Variants in PIK3C2B observed in about 807,000 individuals in gnomAD.
PIK3C2B encodes the protein phosphatidylinositol 4-phosphate 3-kinase C2 domain-containing subunit beta.
PIK3C2B carries 83 observed loss-of-function variants against 184.3 expected under a neutral mutation model. The ratio of observed to expected loss-of-function variants is 0.45; its 90% CI spans 0.38 to 0.54. PIK3C2B has a LOEUF of 0.54. Among genes scored for constraint, PIK3C2B ranks in the 20% least tolerant of loss-of-function variants. The probability of loss-of-function intolerance (pLI) is 0.00; values close to 1 mark genes in which losing one functional copy is unlikely to be tolerated. For missense variants in PIK3C2B, 1,736 were observed against 2,113.5 expected (o/e 0.82, Z 3.50); for synonymous variants, 779 against 837.6 (o/e 0.93, Z 1.21).
intron 1 of PIK3C2B, among the ~76,000 whole-genome samples, chr1:204,480,845 C>T (rs1657076291): frequency 6.6e-6 from 1 of 152,138 alleles, no homozygotes; most frequent in South Asian, 2.1e-4. Flanking sequence ...TAGGAAGGCT[C>T]TCCACCACGT....
chr1:204,459,285 A>G (rs538915647), intron 8 of PIK3C2B, among the ~76,000 whole-genome samples: 1 of 152,306 alleles, frequency 6.6e-6, no homozygotes, highest in South Asian at 2.1e-4. Flanking sequence ...CCAAAGGGTT[A>G]GGATTACAGG....
rs771534973 is a variant in PIK3C2B at position 204,447,217 on chromosome 1, G to A, written c.2489+219C>T. Among the ~76,000 whole-genome samples, 7 of 152,180 alleles carry A rather than the reference G, an allele frequency of 4.6e-5. No individual in the cohort carries two copies. Among genetic ancestry groups the A allele is most frequent in the African/African-American group, 7.2e-5 (3 of 41,514 alleles). ...AGCTGAGTCTGGACCAAGTCCCTGG[G>A]GTGGGGACTTGGGTATTCTCAGATC... On this transcript the variant is annotated intron_variant, in intron 15 of 32. Coordinates refer to ENST00000684373, the MANE Select transcript of PIK3C2B (RefSeq NM_001377334.1). The surrounding 1 kb of genome is among the most constrained non-coding windows in gnomAD (Gnocchi z 4.1).
chr1:204,432,414 TA>T lies in PIK3C2B; in HGVS notation c.3954-14del, dbSNP rs1675113307. 2 of 1,612,512 alleles carry T rather than the reference TA, an allele frequency of 1.2e-6. No homozygotes were observed. Among genetic ancestry groups the T allele is most frequent in the Non-Finnish European group, 1.7e-6 (2 of 1,178,898 alleles). ...GGACTCAATCAACCTGGCAGGAGGA[TA>T]AGAAAAGAGGATATAACCATGAACC... On this transcript the variant is annotated splice_polypyrimidine_tract_variant and intron_variant, in intron 26 of 32. Transcript: ENST00000684373.
At chr1:204,446,924 C>G (rs1404237915) in intron 15 of PIK3C2B, among the ~76,000 whole-genome samples, 1 of 152,168 alleles carries the variant, frequency 6.6e-6, no homozygotes, top group Non-Finnish European at 1.5e-5. Context: ...TCTGTTCTCA[C>G]CCCTCCTTCT....
intron 1 of PIK3C2B, among the ~76,000 whole-genome samples, chr1:204,493,997 T>C (rs1045413304): frequency 6.6e-6 from 1 of 152,208 alleles, no homozygotes; most frequent in African/African-American, 2.4e-5. Context: ...TTATTTCTTA[T>C]CTTAAATAAA....
chr1:204,454,499 A>AG, intron 12 of PIK3C2B, 170 bp downstream of exon 12: 1 of 597,952 alleles, frequency 1.7e-6, no homozygotes, highest in Non-Finnish European at 2.8e-6. Context: ...AAAAAAAAAA[A>AG]AGAGTCAGGG....
Position 204,423,457 on chromosome 1 carries a change from A to AC in PIK3C2B, c.*1394_*1395insG, listed in dbSNP as rs1314507187. 1.3e-5 allele frequency: 2 copies of AC among 152,168 alleles called. No individual in the cohort carries two copies. The highest frequency in any genetic ancestry group is 4.8e-5 in the African/African-American group (2 of 41,342). 9.4% of individuals were successfully genotyped at this position (152,168 alleles called of 1,614,324 possible). On this transcript the variant is annotated 3_prime_UTR_variant, in exon 33 of 33. Coordinates refer to ENST00000684373, the MANE Select transcript of PIK3C2B (RefSeq NM_001377334.1). The stretch of plus-strand genomic sequence containing the variant: ...GCGAGACTCCGTCTCCAAAAAAAAA[A>AC]AAAAAAATCCATCTGGTAGGGAATA...
Position 204,433,217 on chromosome 1 carries a change from C to A in PIK3C2B, c.3953+99G>T. 1 of 680,912 alleles carries A rather than the reference C, an allele frequency of 1.5e-6. No homozygotes were observed. The highest frequency in any genetic ancestry group is 2.6e-6 in the Non-Finnish European group (1 of 383,444). The allele number at this position is 680,912 out of a possible 1,614,324, so 42.2% of individuals were successfully genotyped here. ...TCAGCTCTAGGCTCTAGCATCTGAGCTAAGCTTTTCACCTTTCCCCAGTCC... is the reference window on the plus strand; with the variant it reads ...TCAGCTCTAGGCTCTAGCATCTGAGATAAGCTTTTCACCTTTCCCCAGTCC... On this transcript the variant is annotated intron_variant, in intron 26 of 32. Transcript: ENST00000684373. The surrounding 1 kb of genome is among the most constrained non-coding windows in gnomAD (Gnocchi z 5.0).
At position 204,426,322 on chromosome 1, in the gene PIK3C2B, C is replaced by T. The variant is rs573917730; in HGVS notation, c.4588-581G>A. 7.2e-5 allele frequency among the ~76,000 whole-genome samples: 11 copies of T among 152,384 alleles called. No individual in the cohort carries two copies. In the South Asian group the frequency reaches 2.3e-3, roughly 32 times the overall value. On this transcript the variant is annotated intron_variant, in intron 31 of 32. Coordinates refer to ENST00000684373, the MANE Select transcript of PIK3C2B (RefSeq NM_001377334.1). ...TCATCATCCACTCCTCTCGACTTTG[C>T]TCCATCGGCTTCAGCCGCTGGCCCC...
rs1194925202 is a variant in PIK3C2B, at chr1:204,447,898, G to T, written c.2347-320C>A. On this transcript the variant is annotated intron_variant, in intron 14 of 32. Transcript: ENST00000684373. The surrounding 1 kb of genome is among the most constrained non-coding windows in gnomAD (Gnocchi z 4.1). Reference sequence around the variant, plus strand: ...GAGGTGTCACCCAGCTGAAACACGGGGTGCATCCAGGCTGAGTCCGGGGTG... The same window carrying T: ...GAGGTGTCACCCAGCTGAAACACGGTGTGCATCCAGGCTGAGTCCGGGGTG... 2.0e-5 allele frequency among the ~76,000 whole-genome samples: 3 copies of T among 152,124 alleles called. No homozygotes were observed. The highest frequency in any genetic ancestry group is 7.2e-5 in the African/African-American group (3 of 41,424).
intron 5 of PIK3C2B, among the ~76,000 whole-genome samples, chr1:204,462,394 T>C (rs1655407116): frequency 6.6e-6 from 1 of 152,162 alleles, no homozygotes; most frequent in Non-Finnish European, 1.5e-5. Flanking sequence ...ATTCTCACAT[T>C]TCACCCTCAC....
rs1203367024 is a variant in PIK3C2B, at chr1:204,454,715, C to T, written c.2020G>A (p.Ala674Thr). Reference protein sequence around the residue: ...ELCSPLQTRRAHFSKYLFHLI... With the variant: ...ELCSPLQTRRTHFSKYLFHLI... ...TGGAAGAGGTACTTGGAGAAGTGAGCTCTTCGGGTCTGCAGGGGGCTGCAC... is the reference window on the plus strand; with the variant it reads ...TGGAAGAGGTACTTGGAGAAGTGAGTTCTTCGGGTCTGCAGGGGGCTGCAC... Residue 674 changes from alanine (A) to threonine (T), a missense_variant, in exon 12 of 33, where the codon GCT becomes ACT. This residue lies in a region of PIK3C2B where 609 missense variants were observed against 699.2 expected (regional missense o/e 0.87). Transcript: ENST00000684373. 1.9e-6 allele frequency: 3 copies of T among 1,613,506 alleles called. No homozygotes were observed. The highest frequency in any genetic ancestry group is 2.5e-6 in the Non-Finnish European group (3 of 1,180,000).
Position 204,494,398 on chromosome 1 carries a change from G to A in PIK3C2B, c.-127C>T, listed in dbSNP as rs1189500950. 1 of 152,394 alleles carries A rather than the reference G, an allele frequency of 6.6e-6. No homozygotes were observed. Among genetic ancestry groups the A allele is most frequent in the Non-Finnish European group, 1.5e-5 (1 of 68,164 alleles). 9.4% of individuals were successfully genotyped at this position (152,394 alleles called of 1,614,324 possible). Reference sequence around the variant, plus strand: ...TCTGCTGCAACATCCGACGTGTCTTGTGCCTGGCGACGTGGGCTGCTCGCT... The same window carrying A: ...TCTGCTGCAACATCCGACGTGTCTTATGCCTGGCGACGTGGGCTGCTCGCT... On this transcript the variant is annotated 5_prime_UTR_variant, in exon 1 of 33. Transcript: ENST00000684373.
chr1:204,447,356 C>T lies in PIK3C2B; in HGVS notation c.2489+80G>A. 1.4e-6 allele frequency: 2 copies of T among 1,421,848 alleles called. No individual in the cohort carries two copies. Among genetic ancestry groups the T allele is most frequent in the Admixed American group, 1.8e-5 (1 of 55,296 alleles). 88.1% of individuals were successfully genotyped at this position (1,421,848 alleles called of 1,614,324 possible). The stretch of plus-strand genomic sequence containing the variant: ...CAATGCCCACCCCTTCCCACCTCCA[C>T]TCCCAAAGCAGGAGGACGGAGACTC... On this transcript the variant is annotated intron_variant, in intron 15 of 32. Coordinates refer to ENST00000684373, the MANE Select transcript of PIK3C2B (RefSeq NM_001377334.1). The surrounding 1 kb of genome is among the most constrained non-coding windows in gnomAD (Gnocchi z 4.1).
At chr1:204,468,551 C>T (rs890054358) in intron 2 of PIK3C2B, among the ~76,000 whole-genome samples, 13 of 152,340 alleles carry the variant, frequency 8.5e-5, no homozygotes, top group Non-Finnish European at 1.5e-4. Context: ...TAATGAATCC[C>T]ATAACTCCCA....
At chr1:204,425,068 G>C in intron 32 of PIK3C2B, 28 bp from the exon 33 acceptor site, 1 of 1,588,928 alleles carries the variant, frequency 6.3e-7, no homozygotes, top group Non-Finnish European at 8.6e-7. Flanking sequence ...GGTGAGGGAA[G>C]TGGTGAGAGA....
At chr1:204,481,699 G>A (rs1234343614) in intron 1 of PIK3C2B, among the ~76,000 whole-genome samples, 1 of 152,192 alleles carries the variant, frequency 6.6e-6, no homozygotes, top group African/African-American at 2.4e-5. Flanking sequence ...CAGGCTGAGG[G>A]CACTCAGGCA....
chr1:204,472,182 G>A (rs371133939), intron 1 of PIK3C2B, among the ~76,000 whole-genome samples: 12 of 66,004 alleles, frequency 1.8e-4, no homozygotes, highest in Admixed American at 1.4e-3. Flanking sequence ...TTTTTTTTTT[G>A]AGACGGAGTC....
chr1:204,425,512 T>C (rs1674697153), intron 32 of PIK3C2B, 101 bp downstream of exon 32: 9 of 1,307,652 alleles, frequency 6.9e-6, no homozygotes, highest in Non-Finnish European at 6.6e-6. Flanking sequence ...ACAGCCATGT[T>C]CTTAATACAA....
Sources: gnomAD v4.1 joint callset for allele counts (sites outside exome capture counted in the v4.1 genomes callset) on GRCh38, gnomAD v4.1.1 for gene constraint, gnomAD v4.1.1 regional missense constraint, Gnocchi (gnomAD v3.1) non-coding constraint, MANE v1.5 for transcripts, NCBI Gene and HGNC (gene_info 2026-07-23, HGNC 2026-07-21) for gene names.